The following TDRD3 variants were observed in gnomAD, a reference collection of about 807,000 sequenced individuals.
The protein encoded by TDRD3 is tudor domain-containing protein 3.
Under a neutral mutation model 86.7 loss-of-function variants are expected in TDRD3, and 45 were observed. That is an observed-to-expected ratio of 0.52 (90% CI 0.41 to 0.67). TDRD3 has a LOEUF of 0.67. Ranked by LOEUF, TDRD3 falls within the 30% of genes least tolerant of loss-of-function variation. The probability of loss-of-function intolerance (pLI) is 0.00; values close to 1 mark genes in which losing one functional copy is unlikely to be tolerated. For missense variants in TDRD3, 814 were observed against 889.0 expected (o/e 0.92, Z 1.07); for synonymous variants, 298 against 301.7 (o/e 0.99, Z 0.13).
intron 4 of TDRD3, among the ~76,000 whole-genome samples, chr13:60,466,217 A>G (rs1411422285): frequency 6.6e-6 from 1 of 152,200 alleles, no homozygotes; most frequent in African/African-American, 2.4e-5. Context: ...TATGGCTCAT[A>G]TAGATGTTAA....
intron 5 of TDRD3, among the ~76,000 whole-genome samples, chr13:60,472,831 AG>A (rs1956100724): frequency 6.6e-6 from 1 of 152,154 alleles, no homozygotes; most frequent in Non-Finnish European, 1.5e-5. Context: ...TTATAGAGAG[AG>A]AGTACAATGG....
chr13:60,413,917 C>T (rs1488083308), intron 1 of TDRD3, among the ~76,000 whole-genome samples: 1 of 152,006 alleles, frequency 6.6e-6, no homozygotes, highest in African/African-American at 2.4e-5. Context: ...TACATTATTT[C>T]ACTTGTACAG....
chr13:60,528,438 A>G lies in TDRD3; in HGVS notation c.1213A>G (p.Lys405Glu), dbSNP rs1690742570. 1.2e-6 allele frequency: 2 copies of G among 1,600,438 alleles called. No homozygotes were observed. Among genetic ancestry groups the G allele is most frequent in the Non-Finnish European group, 1.7e-6 (2 of 1,169,492 alleles). Residue 405 changes from lysine to glutamate, a missense_variant, in exon 11 of 14, where the codon AAA becomes GAA. By Grantham distance (56) the Lys-to-Glu change is moderately conservative (BLOSUM62 1). Coordinates refer to ENST00000377881, the MANE Select transcript of TDRD3 (RefSeq NM_001146070.2). The part of the protein sequence containing the change: ...RSSNTEQNGV[K>E]DNNHLRHPPR... Reference sequence around the variant, plus strand: ...ATCAAATACTGAGCAAAATGGAGTAAAAGATAATAATCATCTGAGACATCC... The same window carrying G: ...ATCAAATACTGAGCAAAATGGAGTAGAAGATAATAATCATCTGAGACATCC...
Position 60,492,949 on chromosome 13 carries a change from C to A in TDRD3, c.718-1486C>A, listed in dbSNP as rs552620867. Among the ~76,000 whole-genome samples, 523 of 122,654 alleles carry A rather than the reference C, an allele frequency of 4.3e-3. 3 individuals carry two copies. The highest frequency in any genetic ancestry group is 0.014 in the African/African-American group (504 of 34,802). The allele number at this position is 122,654 out of a possible 152,430, so 80.5% of individuals were successfully genotyped here. The stretch of plus-strand genomic sequence containing the variant: ...TTTTTTTTTTTTTGAGACGGAGTCT[C>A]GCTGTATCTCCCAGGTTGGAGTGCA... On this transcript the variant is annotated intron_variant, in intron 7 of 13. Transcript: ENST00000377881.
chr13:60,428,253 A>G (rs1428236821), intron 1 of TDRD3, among the ~76,000 whole-genome samples: 1 of 150,712 alleles, frequency 6.6e-6, no homozygotes, highest in East Asian at 1.9e-4. Flanking sequence ...TTCTTATTTC[A>G]AAGTTCTTAA....
At chr13:60,451,676 A>G (rs1398212649) in intron 3 of TDRD3, among the ~76,000 whole-genome samples, 1 of 152,156 alleles carries the variant, frequency 6.6e-6, no homozygotes, top group Non-Finnish European at 1.5e-5. Flanking sequence ...ATTCAACTTT[A>G]CAAGATAATG....
At chr13:60,466,362 GA>G (rs35224490) in intron 4 of TDRD3, among the ~76,000 whole-genome samples, 1 of 152,150 alleles carries the variant, frequency 6.6e-6, no homozygotes, top group Non-Finnish European at 1.5e-5. Context: ...TAGCATAGTT[GA>G]AAAAGTATTT....
chr13:60,552,610 G>C (rs1400028516), intron 12 of TDRD3, among the ~76,000 whole-genome samples: 1 of 152,226 alleles, frequency 6.6e-6, no homozygotes, highest in African/African-American at 2.4e-5. Context: ...TGGGGACTCT[G>C]TATGTGGGCT....
At chr13:60,566,489 T>G (rs1459270237) in intron 12 of TDRD3, among the ~76,000 whole-genome samples, 1 of 152,094 alleles carries the variant, frequency 6.6e-6, no homozygotes, top group Non-Finnish European at 1.5e-5. Context: ...AAAGCAATAT[T>G]TTGAGAAAGA....
chr13:60,542,857 T>A (rs1957848757), intron 12 of TDRD3, among the ~76,000 whole-genome samples: 1 of 152,224 alleles, frequency 6.6e-6, no homozygotes, highest in African/African-American at 2.4e-5. Context: ...TGGTATCTTT[T>A]GATGTATATG....
intron 3 of TDRD3, among the ~76,000 whole-genome samples, chr13:60,446,555 A>G (rs1386579754): frequency 6.6e-6 from 1 of 152,100 alleles, no homozygotes; most frequent in Non-Finnish European, 1.5e-5. Flanking sequence ...TATATGTCAT[A>G]TAAGAATATA....
intron 3 of TDRD3, among the ~76,000 whole-genome samples, chr13:60,450,391 A>G (rs532780485): frequency 1.3e-5 from 2 of 152,294 alleles, no homozygotes; most frequent in African/African-American, 4.8e-5. Flanking sequence ...ATGCACTACA[A>G]AGACAGGCTT....
Position 60,528,406 on chromosome 13 carries a change from A to G in TDRD3, c.1181A>G (p.Tyr394Cys). The G allele has an allele frequency of 1.2e-6, 2 of 1,613,718 alleles. 1 individual carries two copies. Among genetic ancestry groups the G allele is most frequent in the South Asian group, 2.2e-5 (2 of 91,038 alleles). ...CCACAGCAGCTTCATCAGGGACAAT[A>G]CAGATCATCAAATACTGAGCAAAAT... ...SQPQQLHQGQ[Y>C]RSSNTEQNGV... The change falls in exon 11 of 14, where the codon TAC becomes TGC. Residue 394 changes from tyrosine (Y) to cysteine (C), a missense_variant. Transcript: ENST00000377881.
At chr13:60,399,006 A>G (rs148995203) in intron 1 of TDRD3, among the ~76,000 whole-genome samples, 137 of 152,286 alleles carry the variant, frequency 9.0e-4, no homozygotes, top group African/African-American at 3.0e-3. Flanking sequence ...CTGCTTTCCA[A>G]CATGACCCCC....
chr13:60,541,180 T>TCTCTC (rs879523038), intron 12 of TDRD3, among the ~76,000 whole-genome samples: 2 of 150,406 alleles, frequency 1.3e-5, no homozygotes, highest in Non-Finnish European at 3.0e-5. Context: ...TTTCTTTCTT[T>TCTCTC]TTTTGAGACG....
Position 60,397,352 on chromosome 13 carries a change from C to G in TDRD3, c.-13C>G. 1 of 1,483,572 alleles carries G rather than the reference C, an allele frequency of 6.7e-7. No individual in the cohort carries two copies. Among genetic ancestry groups the G allele is most frequent in the Non-Finnish European group, 9.0e-7 (1 of 1,114,684 alleles). 91.9% of individuals were successfully genotyped at this position (1,483,572 alleles called of 1,614,324 possible). A position where few individuals can be genotyped will look rare whatever the true frequency, so the allele number is the denominator to read the frequency against. On this transcript the variant is annotated 5_prime_UTR_variant, in exon 1 of 14. Transcript: ENST00000377881. ...ACCCCAGCCCCCCACCACCCCCGGC[C>G]TAAGCAGCTACCATGGCCCAGGTGG...
intron 10 of TDRD3, among the ~76,000 whole-genome samples, chr13:60,525,365 G>T (rs1957403832): frequency 6.6e-6 from 1 of 151,082 alleles, no homozygotes; most frequent in South Asian, 2.1e-4. Flanking sequence ...GTAGAGACAG[G>T]GTTTCACCAT....
chr13:60,543,092 G>A (rs1256813666), intron 12 of TDRD3, among the ~76,000 whole-genome samples: 2 of 152,140 alleles, frequency 1.3e-5, no homozygotes, highest in African/African-American at 4.8e-5. Flanking sequence ...TCTTTTAGTA[G>A]CCTGTCATTG....
At chr13:60,482,348 G>C (rs1235107114) in intron 5 of TDRD3, among the ~76,000 whole-genome samples, 3 of 151,856 alleles carry the variant, frequency 2.0e-5, no homozygotes, top group African/African-American at 7.3e-5. Context: ...TTTCTCTCAG[G>C]GATAATAGTC....
Sources: allele counts gnomAD v4.1 joint callset (sites outside exome capture counted in the v4.1 genomes callset), GRCh38; gene constraint gnomAD v4.1.1; transcripts MANE v1.5; gene names NCBI Gene and HGNC (gene_info 2026-07-23, HGNC 2026-07-21).